Variants in TSC22D1 observed in about 807,000 individuals in gnomAD.
TSC22D1 encodes TSC22 domain family member 1.
In TSC22D1, 9 loss-of-function variants were observed where a neutral mutation model predicts 74.2. The observed-to-expected ratio is 0.12, with a 90% CI of 0.07 to 0.21. TSC22D1 has a LOEUF of 0.21. Among genes scored for constraint, TSC22D1 ranks in the 10% least tolerant of loss-of-function variants. TSC22D1 has a pLI of 1.00. For missense variants in TSC22D1, 1,427 were observed against 1,304.7 expected (o/e 1.09, Z -1.44); for synonymous variants, 586 against 492.5 (o/e 1.19, Z -2.51).
At chr13:44,515,163 A>G (rs1879918243) in intron 1 of TSC22D1, among the ~76,000 whole-genome samples, 1 of 152,196 alleles carries the variant, frequency 6.6e-6, no homozygotes, top group South Asian at 2.1e-4. Flanking sequence ...ATGCAGATAG[A>G]CAGGAACGAC....
Position 44,575,779 on chromosome 13 carries a change from G to A in TSC22D1, c.296C>T (p.Ala99Val), listed in dbSNP as rs959072447. ...SQAQLQAQPL[A>V]PGGTQMKKKS... ...CTTTTTCATTTGAGTTCCGCCTGGC[G>A]CAAGAGGCTGTGCCTGCAGCTGAGC... Residue 99 changes from alanine to valine, a missense_variant, in exon 1 of 3, where the codon GCG becomes GTG. Coordinates refer to ENST00000458659, the MANE Select transcript of TSC22D1 (RefSeq NM_183422.4). 2 of 1,614,192 alleles carry A rather than the reference G, an allele frequency of 1.2e-6. No individual in the cohort carries two copies. Among genetic ancestry groups the A allele is most frequent in the Non-Finnish European group, 1.7e-6 (2 of 1,180,030 alleles).
chr13:44,448,613 C>T (rs1875874192), intron 1 of TSC22D1, among the ~76,000 whole-genome samples: 1 of 152,154 alleles, frequency 6.6e-6, no homozygotes, highest in African/African-American at 2.4e-5. Flanking sequence ...CTGCTTCGAT[C>T]AAGGGACACA....
chr13:44,452,897 T>G (rs1465036070), intron 1 of TSC22D1: 1 of 152,396 alleles, frequency 6.6e-6, no homozygotes, highest in Admixed American at 6.5e-5. Context: ...GTTTTCCATC[T>G]TTTTACAAGA....
chr13:44,510,678 C>T (rs1026018721), intron 1 of TSC22D1, among the ~76,000 whole-genome samples: 2 of 152,034 alleles, frequency 1.3e-5, no homozygotes, highest in Non-Finnish European at 2.9e-5. Flanking sequence ...CTACAACCTC[C>T]ACCTCCCAGG....
intron 1 of TSC22D1, among the ~76,000 whole-genome samples, chr13:44,492,288 A>C (rs1878762689): frequency 6.6e-6 from 1 of 152,210 alleles, no homozygotes; most frequent in South Asian, 2.1e-4. Flanking sequence ...ATCATCTAAC[A>C]CAAAACCTAT....
chr13:44,536,284 G>C (rs1443538229), intron 1 of TSC22D1, among the ~76,000 whole-genome samples: 1 of 151,770 alleles, frequency 6.6e-6, no homozygotes, highest in Non-Finnish European at 1.5e-5. Flanking sequence ...CCATCTTAAT[G>C]TTATTTTTAA....
At chr13:44,501,193 T>C (rs1279550303) in intron 1 of TSC22D1, among the ~76,000 whole-genome samples, 1 of 152,086 alleles carries the variant, frequency 6.6e-6, no homozygotes, top group Non-Finnish European at 1.5e-5. Context: ...GAAGGTATAA[T>C]AGAAAACAGA....
intron 1 of TSC22D1, among the ~76,000 whole-genome samples, chr13:44,551,396 GT>G (rs1882257104): frequency 1.6e-5 from 2 of 127,784 alleles, no homozygotes; most frequent in African/African-American, 7.3e-5. Flanking sequence ...ATGGGTGTGT[GT>G]GTGTGTGTGT....
In TSC22D1 at chr13:44,576,289, G is replaced by A; in HGVS notation, c.-215C>T. ...AACGAGGGTGAACAGGGCGGCCGGG[G>A]ACCCGAAGGGGGGATCCCTTCAGTC... On this transcript the variant is annotated 5_prime_UTR_variant, in exon 1 of 3. Coordinates refer to ENST00000458659, the MANE Select transcript of TSC22D1 (RefSeq NM_183422.4). The A allele has an allele frequency of 1.6e-6, 1 of 623,364 alleles. No homozygotes were observed. The highest frequency in any genetic ancestry group is 2.9e-5 in the East Asian group (1 of 34,598). 38.6% of individuals were successfully genotyped at this position (623,364 alleles called of 1,614,324 possible). A position where few individuals can be genotyped will look rare whatever the true frequency, so the allele number is the denominator to read the frequency against.
intron 1 of TSC22D1, among the ~76,000 whole-genome samples, chr13:44,439,228 T>TTC (rs1874991384): frequency 6.6e-6 from 1 of 152,254 alleles, no homozygotes; most frequent in Admixed American, 6.5e-5. Flanking sequence ...AGGAACATCC[T>TTC]TCTACATACA....
In TSC22D1 at chr13:44,573,186, G is replaced by A. The variant is rs113537658; in HGVS notation, c.2889C>T (p.Pro963=). 3 of 1,613,998 alleles carry A rather than the reference G, an allele frequency of 1.9e-6. No homozygotes were observed. Among genetic ancestry groups the A allele is most frequent in the African/African-American group, 2.7e-5 (2 of 74,920 alleles). ...ACCTCTCATCCTCGCCATCCACCAG[G>A]GGTGTCGTCAGCGGTAGCACCTTCA... The part of the protein sequence containing the change: ...FPLKVLPLTT[P]LVDGEDESSS... The change falls in exon 1 of 3, where the codon CCC becomes CCT. Residue 963 remains proline (P), a synonymous_variant. Transcript: ENST00000458659.
intron 1 of TSC22D1, among the ~76,000 whole-genome samples, chr13:44,467,321 T>C (rs1016160652): frequency 1.3e-5 from 2 of 152,150 alleles, no homozygotes; most frequent in African/African-American, 4.8e-5. Context: ...AGGACACACT[T>C]TCTGGACACT....
At chr13:44,455,428 A>G (rs1876505052) in intron 1 of TSC22D1, among the ~76,000 whole-genome samples, 1 of 152,226 alleles carries the variant, frequency 6.6e-6, no homozygotes, top group Non-Finnish European at 1.5e-5. Flanking sequence ...TTTTTAAAGA[A>G]ACATGCTTAC....
At chr13:44,468,713 A>C (rs1477369407) in intron 1 of TSC22D1, among the ~76,000 whole-genome samples, 1 of 149,944 alleles carries the variant, frequency 6.7e-6, no homozygotes, top group Non-Finnish European at 1.5e-5. Flanking sequence ...ATCAGACACA[A>C]AATCAACAGT....
chr13:44,455,012 C>A (rs1876463900), intron 1 of TSC22D1, among the ~76,000 whole-genome samples: 1 of 152,018 alleles, frequency 6.6e-6, no homozygotes, highest in Admixed American at 6.5e-5. Context: ...TCAGTATGAA[C>A]AAAATGGACA....
chr13:44,529,287 T>C (rs1880708167), intron 1 of TSC22D1, among the ~76,000 whole-genome samples: 1 of 152,036 alleles, frequency 6.6e-6, no homozygotes, highest in Non-Finnish European at 1.5e-5. Flanking sequence ...AGTCAATCTA[T>C]AAAATCTACT....
At chr13:44,546,617 G>GTAGTC (rs939074778) in intron 1 of TSC22D1, among the ~76,000 whole-genome samples, 4 of 152,120 alleles carry the variant, frequency 2.6e-5, no homozygotes, top group Non-Finnish European at 4.4e-5. Flanking sequence ...AGATCATTTA[G>GTAGTC]TAGACAAGGT....
chr13:44,573,735 A>G lies in TSC22D1; in HGVS notation c.2340T>C (p.Ser780=). The G allele has an allele frequency of 6.2e-7, 1 of 1,614,230 alleles. No individual in the cohort carries two copies. Among genetic ancestry groups the G allele is most frequent in the Non-Finnish European group, 8.5e-7 (1 of 1,180,032 alleles). Reference sequence around the variant, plus strand: ...CCAATTGTTGAGGAAGGCTTGGAGCACTAGTTTGAACTCCCTGATGAATAA... The same window carrying G: ...CCAATTGTTGAGGAAGGCTTGGAGCGCTAGTTTGAACTCCCTGATGAATAA... ...TGIIHQGVQT[S]APSLPQQLVI... is the part of the protein sequence containing the mutation. Residue 780 remains serine (S), a synonymous_variant, in exon 1 of 3, where the codon AGT becomes AGC. Transcript: ENST00000458659.
intron 1 of TSC22D1, among the ~76,000 whole-genome samples, chr13:44,566,631 C>T (rs1883391976): frequency 6.6e-6 from 1 of 152,038 alleles, no homozygotes; most frequent in South Asian, 2.1e-4. Context: ...TGTAATGATA[C>T]TAAACACACA....
Sources: allele counts gnomAD v4.1 joint callset (sites outside exome capture counted in the v4.1 genomes callset), GRCh38; gene constraint gnomAD v4.1.1; transcripts MANE v1.5; gene names NCBI Gene and HGNC (gene_info 2026-07-23, HGNC 2026-07-21).